The following GRM8 variants were observed in gnomAD, a reference collection of about 807,000 sequenced individuals.
The protein encoded by GRM8 is metabotropic glutamate receptor 8.
In GRM8, 47 loss-of-function variants were observed where a neutral mutation model predicts 87.2. The observed-to-expected ratio is 0.54, with a 90% CI of 0.43 to 0.69. The LOEUF (loss-of-function observed/expected upper bound fraction) is 0.69. GRM8 is among the 30% of genes least tolerant of loss of function. The probability of loss-of-function intolerance (pLI) is 0.00; values close to 1 mark genes in which losing one functional copy is unlikely to be tolerated. For synonymous variants in GRM8, 396 were observed against 404.5 expected, an observed-to-expected ratio of 0.98 and a Z score of 0.25; for missense variants, 1,019 against 1,139.2, an observed-to-expected ratio of 0.89 and a Z score of 1.52.
intron 7 of GRM8, among the ~76,000 whole-genome samples, chr7:126,683,717 A>T (rs1416204275): frequency 1.3e-5 from 2 of 152,230 alleles, no homozygotes; most frequent in African/African-American, 4.8e-5. Context: ...TATGTTACAT[A>T]AACAAGATAT....
intron 3 of GRM8, among the ~76,000 whole-genome samples, chr7:126,920,927 G>A (rs1299661362): frequency 1.1e-4 from 17 of 149,198 alleles, no homozygotes; most frequent in Admixed American, 1.0e-3. Flanking sequence ...TTACATGGAT[G>A]TTTCCCAACT....
At chr7:126,795,431 A>G (rs1015801555) in intron 6 of GRM8, among the ~76,000 whole-genome samples, 2 of 152,212 alleles carry the variant, frequency 1.3e-5, no homozygotes, top group African/African-American at 4.8e-5. Context: ...TCTTTTTAAA[A>G]TAAAACATCA....
chr7:126,967,065 A>G (rs773527778), intron 3 of GRM8, among the ~76,000 whole-genome samples: 4 of 152,204 alleles, frequency 2.6e-5, no homozygotes, highest in Non-Finnish European at 4.4e-5. Context: ...TCATCCTGAG[A>G]GATAGAATGC....
At chr7:126,840,065 A>T (rs1796138552) in intron 6 of GRM8, among the ~76,000 whole-genome samples, 1 of 152,160 alleles carries the variant, frequency 6.6e-6, no homozygotes, top group Non-Finnish European at 1.5e-5. Flanking sequence ...TATATAATAA[A>T]TCAAACTATA....
intron 8 of GRM8, among the ~76,000 whole-genome samples, chr7:126,561,104 T>C (rs1465588984): frequency 6.6e-6 from 1 of 152,214 alleles, no homozygotes; most frequent in Non-Finnish European, 1.5e-5. Context: ...CAAATCTTTA[T>C]TTCACTCAGG....
At chr7:126,518,457 A>T (rs1449240406) in intron 9 of GRM8, among the ~76,000 whole-genome samples, 1 of 152,064 alleles carries the variant, frequency 6.6e-6, no homozygotes, top group Non-Finnish European at 1.5e-5. Context: ...GAAATTTATA[A>T]ATTAATGTAA....
At chr7:126,529,085 C>G (rs28405742) in intron 9 of GRM8, among the ~76,000 whole-genome samples, 2,261 of 152,184 alleles carry the variant, frequency 0.015, 50 homozygotes, top group African/African-American at 0.048. Context: ...TTGCTCTTCT[C>G]TTTAAACATG....
At chr7:126,520,030 A>G (rs1367509014) in intron 9 of GRM8, among the ~76,000 whole-genome samples, 1 of 152,022 alleles carries the variant, frequency 6.6e-6, no homozygotes, top group Non-Finnish European at 1.5e-5. Context: ...TAAAATAGAC[A>G]CTGAGCATAA....
intron 3 of GRM8, among the ~76,000 whole-genome samples, chr7:127,045,675 C>T (rs73228994): frequency 0.013 from 1,989 of 152,066 alleles, 92 homozygotes; most frequent in Admixed American, 0.082. Context: ...ATTGGCAATC[C>T]CACCTCCACC....
intron 2 of GRM8, chr7:127,215,010 T>C (rs1413075976): frequency 6.6e-6 from 1 of 152,196 alleles, no homozygotes; most frequent in Non-Finnish European, 1.5e-5. Context: ...TCTTGGGAAG[T>C]CTAATTCTAC....
intron 2 of GRM8, among the ~76,000 whole-genome samples, chr7:127,181,447 T>C (rs1296712032): frequency 2.0e-5 from 3 of 151,812 alleles, no homozygotes; most frequent in Non-Finnish European, 4.4e-5. Flanking sequence ...ATTCAACACA[T>C]TCCCCATCAA....
chr7:126,641,467 A>C (rs1277936228), intron 7 of GRM8, among the ~76,000 whole-genome samples: 1 of 152,228 alleles, frequency 6.6e-6, no homozygotes, highest in Non-Finnish European at 1.5e-5. Flanking sequence ...AAAAAATAGT[A>C]TGTGACATGG....
chr7:126,618,146 C>T (rs1799724584), intron 7 of GRM8, among the ~76,000 whole-genome samples: 1 of 152,108 alleles, frequency 6.6e-6, no homozygotes, highest in Non-Finnish European at 1.5e-5. Flanking sequence ...GCTACAGTAA[C>T]CAAAACAGCA....
chr7:127,058,909 G>A (rs189595698), intron 3 of GRM8, among the ~76,000 whole-genome samples: 8 of 152,356 alleles, frequency 5.3e-5, no homozygotes, highest in Admixed American at 5.2e-4. Flanking sequence ...TGTGCAGACT[G>A]TCAGTGTGTG....
intron 7 of GRM8, among the ~76,000 whole-genome samples, chr7:126,719,677 CT>C (rs1229428856): frequency 1.3e-5 from 2 of 152,140 alleles, no homozygotes; most frequent in Non-Finnish European, 2.9e-5. Flanking sequence ...TTTGCCCAGG[CT>C]GTGATCCACT....
intron 2 of GRM8, among the ~76,000 whole-genome samples, chr7:127,142,079 C>A (rs565754344): frequency 6.6e-6 from 1 of 152,088 alleles, no homozygotes; most frequent in East Asian, 1.9e-4. Context: ...ACTTCCCAGG[C>A]TCAAGCAATC....
chr7:126,605,331 G>A (rs2106310), intron 8 of GRM8, among the ~76,000 whole-genome samples: 48,828 of 152,002 alleles, frequency 0.32, 8,482 homozygotes, highest in East Asian at 0.44. Context: ...TGTGTGGGCC[G>A]AGATTACTGA....
rs202148877 is a variant in GRM8 at position 126,571,742 on chromosome 7, A to ATT, written c.1494+37618_1494+37619dup. ...AGGAGACCAATTCCAAATATACAGG[A>ATT]TTTTTTTTTTTTTTTTGAGATGGAG... On this transcript the variant is annotated intron_variant, in intron 8 of 10. Transcript: ENST00000339582. 2.9e-3 allele frequency among the ~76,000 whole-genome samples: 407 copies of ATT among 141,134 alleles called. 2 individuals are homozygous for ATT. The highest frequency in any genetic ancestry group is 5.9e-3 in the African/African-American group (226 of 38,160). 92.6% of individuals were successfully genotyped at this position (141,134 alleles called of 152,430 possible).
At chr7:126,633,573 G>A (rs573756288) in intron 7 of GRM8, among the ~76,000 whole-genome samples, 3 of 152,144 alleles carry the variant, frequency 2.0e-5, no homozygotes, top group East Asian at 1.9e-4. Flanking sequence ...ACAAATGATC[G>A]AAACAGTTTT....
Sources: gnomAD v4.1 joint callset for allele counts (sites outside exome capture counted in the v4.1 genomes callset) on GRCh38, gnomAD v4.1.1 for gene constraint, MANE v1.5 for transcripts, NCBI Gene and HGNC (gene_info 2026-07-23, HGNC 2026-07-21) for gene names.